The following DSCAML1 variants were observed in gnomAD, a reference collection of about 807,000 sequenced individuals.
DSCAML1 encodes DS cell adhesion molecule like 1, also known as cell adhesion molecule DSCAML1.
Under a neutral mutation model 200.5 loss-of-function variants are expected in DSCAML1, and 38 were observed. That is an observed-to-expected ratio of 0.19 (90% CI 0.15 to 0.25). The LOEUF is 0.25. DSCAML1 is among the 10% of genes least tolerant of loss of function. DSCAML1 has a pLI of 1.00. For synonymous variants in DSCAML1, 1,215 were observed against 1,165.0 expected (o/e 1.04, Z -0.87); for missense variants, 2,223 against 2,858.8 (o/e 0.78, Z 5.07).
intron 3 of DSCAML1, among the ~76,000 whole-genome samples, chr11:117,603,122 A>C (rs1373891695): frequency 6.6e-6 from 1 of 152,166 alleles, no homozygotes; most frequent in African/African-American, 2.4e-5. Flanking sequence ...CAACAACAAA[A>C]AAACCCAAAC....
At chr11:117,715,926 C>T (rs2053945085) in intron 3 of DSCAML1, among the ~76,000 whole-genome samples, 1 of 152,192 alleles carries the variant, frequency 6.6e-6, no homozygotes, top group South Asian at 2.1e-4. Flanking sequence ...CCACAAGACC[C>T]TGAAAATAGA....
chr11:117,552,481 A>G (rs921631121), intron 3 of DSCAML1, among the ~76,000 whole-genome samples: 1 of 150,248 alleles, frequency 6.7e-6, no homozygotes, highest in Non-Finnish European at 1.5e-5. Flanking sequence ...ACTGCCTGGG[A>G]AGTTAGAGGG....
At chr11:117,694,358 A>G (rs2053550305) in intron 3 of DSCAML1, among the ~76,000 whole-genome samples, 1 of 151,714 alleles carries the variant, frequency 6.6e-6, no homozygotes, top group Non-Finnish European at 1.5e-5. Flanking sequence ...GTGAGCTGAG[A>G]TAGCACCACT....
intron 3 of DSCAML1, among the ~76,000 whole-genome samples, chr11:117,686,687 A>G (rs1268692074): frequency 2.0e-5 from 3 of 152,168 alleles, no homozygotes; most frequent in Non-Finnish European, 4.4e-5. Flanking sequence ...GGAATCCAGA[A>G]TTTTAAGGAA....
intron 3 of DSCAML1, among the ~76,000 whole-genome samples, chr11:117,769,687 C>T (rs569088694): frequency 6.7e-6 from 1 of 148,702 alleles, no homozygotes; most frequent in Admixed American, 7.0e-5. Flanking sequence ...GCTCCACCAC[C>T]TACTAACTTT....
intron 6 of DSCAML1, among the ~76,000 whole-genome samples, chr11:117,520,685 G>C (rs937794247): frequency 6.7e-6 from 1 of 149,214 alleles, no homozygotes; most frequent in Non-Finnish European, 1.5e-5. Context: ...CCCAGTTCAA[G>C]ACCAGCCTGA....
At chr11:117,727,470 G>C (rs886910488) in intron 3 of DSCAML1, among the ~76,000 whole-genome samples, 1 of 152,212 alleles carries the variant, frequency 6.6e-6, no homozygotes, top group Non-Finnish European at 1.5e-5. Flanking sequence ...CTCACCCTAA[G>C]TTGGGTGTGA....
At chr11:117,721,811 ATT>A (rs953250108) in intron 3 of DSCAML1, among the ~76,000 whole-genome samples, 20 of 126,318 alleles carry the variant, frequency 1.6e-4, no homozygotes, top group African/African-American at 4.1e-4. Flanking sequence ...ATATATATAT[ATT>A]TTTTTTTTTT....
At chr11:117,508,014 C>T (rs1434660848) in intron 8 of DSCAML1, among the ~76,000 whole-genome samples, 3 of 152,258 alleles carry the variant, frequency 2.0e-5, no homozygotes, top group East Asian at 1.9e-4. Flanking sequence ...CCCCTGCTGA[C>T]CCCCCTCCTA....
intron 21 of DSCAML1, among the ~76,000 whole-genome samples, chr11:117,442,190 TGTGTGTGC>T (rs1460340183): frequency 6.7e-6 from 1 of 149,242 alleles, no homozygotes; most frequent in Non-Finnish European, 1.5e-5. Context: ...ATAGTGTGTA[TGTGTGTGC>T]ATGTGTGCAT....
chr11:117,722,840 A>G (rs1422397185), intron 3 of DSCAML1, among the ~76,000 whole-genome samples: 1 of 152,152 alleles, frequency 6.6e-6, no homozygotes, highest in Admixed American at 6.5e-5. Flanking sequence ...TCCTGTCTCA[A>G]TGCCTTCTGA....
upstream of DSCAML1, chr11:117,797,314 G>A (rs1432391121): frequency 3.1e-6 from 4 of 1,300,418 alleles, no homozygotes; most frequent in East Asian, 9.5e-5. Flanking sequence ...CACCCCGGGT[G>A]GTGAGCGCCG....
At chr11:117,647,550 C>T (rs1445585767) in intron 3 of DSCAML1, among the ~76,000 whole-genome samples, 1 of 152,198 alleles carries the variant, frequency 6.6e-6, no homozygotes, top group Non-Finnish European at 1.5e-5. Context: ...ACTGGTGCCA[C>T]TCCAGGCTGA....
chr11:117,619,757 G>C (rs138835987), intron 3 of DSCAML1, among the ~76,000 whole-genome samples: 8 of 152,222 alleles, frequency 5.3e-5, no homozygotes, highest in African/African-American at 1.9e-4. Context: ...GTAGATTATA[G>C]ATACATCTTT....
chr11:117,658,526 T>G (rs969392474), intron 3 of DSCAML1, among the ~76,000 whole-genome samples: 16 of 152,112 alleles, frequency 1.1e-4, no homozygotes, highest in African/African-American at 3.9e-4. Flanking sequence ...TTGGCTGAGA[T>G]CTGACACGTC....
rs150702002 is a variant in DSCAML1, at chr11:117,710,897, A to T, written c.511+65894T>A. Among the ~76,000 whole-genome samples the T allele has an allele frequency of 2.6e-5, 4 of 152,328 alleles. No individual in the cohort carries two copies. In the East Asian group the frequency reaches 7.7e-4, roughly 29 times the overall value. Reference sequence around the variant, plus strand: ...GAAAGAGCACATCGAGCCCTAAGCCACATAGTACCTGTTATCAATACAATT... The same window carrying T: ...GAAAGAGCACATCGAGCCCTAAGCCTCATAGTACCTGTTATCAATACAATT... On this transcript the variant is annotated intron_variant, in intron 3 of 32. Transcript: ENST00000651296.
intron 3 of DSCAML1, among the ~76,000 whole-genome samples, chr11:117,568,128 G>A (rs2050787843): frequency 6.6e-6 from 1 of 152,172 alleles, no homozygotes. Flanking sequence ...AAAACCAAAT[G>A]ATTATCTCAA....
At chr11:117,765,857 CCA>C (rs1385053619) in intron 3 of DSCAML1, among the ~76,000 whole-genome samples, 1 of 152,134 alleles carries the variant, frequency 6.6e-6, no homozygotes, top group Non-Finnish European at 1.5e-5. Context: ...AGGCCAGAGC[CCA>C]CAGGATTTTG....
chr11:117,565,604 T>C (rs2050742702), intron 3 of DSCAML1, among the ~76,000 whole-genome samples: 1 of 152,236 alleles, frequency 6.6e-6, no homozygotes, highest in African/African-American at 2.4e-5. Context: ...AGATCCTGGA[T>C]GAGTGTCTGC....
Sources: allele counts gnomAD v4.1 joint callset (sites outside exome capture counted in the v4.1 genomes callset), GRCh38; gene constraint gnomAD v4.1.1; transcripts MANE v1.5; gene names NCBI Gene and HGNC (gene_info 2026-07-23, HGNC 2026-07-21).